The following FBLN1 variants were observed in gnomAD, a reference collection of about 807,000 sequenced individuals.
The protein encoded by FBLN1 is fibulin 1, also known as fibulin-1.
A neutral mutation model predicts 89.7 loss-of-function variants in FBLN1; 34 were observed. That is an observed-to-expected ratio of 0.38 (90% CI 0.29 to 0.50). The LOEUF is 0.50. Among genes scored for constraint, FBLN1 ranks in the 20% least tolerant of loss-of-function variants. The pLI, the probability that FBLN1 is intolerant of heterozygous loss-of-function variation, is 0.92. For missense variants in FBLN1, 777 were observed against 988.1 expected (o/e 0.79, Z 2.86); for synonymous variants, 393 against 391.3 (o/e 1.00, Z -0.05).
intron 2 of FBLN1, 87 bp downstream of exon 2, chr22:45,518,874 C>T: frequency 4.9e-6 from 6 of 1,218,978 alleles, no homozygotes; most frequent in Non-Finnish European, 5.9e-6. Context: ...TGCCAGACCT[C>T]TCGGGAGAGG....
chr22:45,562,899 A>G lies in FBLN1; in HGVS notation c.1698-11612A>G. Reference sequence around the variant, plus strand: ...TAACCCTCTTCTTGTCTCTCTGCCCACTTTTCTTGCAGCCGCTGTGAGCGC... The same window carrying G: ...TAACCCTCTTCTTGTCTCTCTGCCCGCTTTTCTTGCAGCCGCTGTGAGCGC... On this transcript the variant is annotated intron_variant, in intron 14 of 16. Transcript: ENST00000327858. This position sits in a 1 kb window ranked among gnomAD's most constrained non-coding sequence, Gnocchi z 7.8. 1.2e-6 allele frequency: 2 copies of G among 1,612,702 alleles called. No individual in the cohort carries two copies. Among genetic ancestry groups the G allele is most frequent in the Non-Finnish European group, 1.7e-6 (2 of 1,179,798 alleles).
At chr22:45,586,782 C>G (rs1003581957) in intron 16 of FBLN1, among the ~76,000 whole-genome samples, 1 of 151,970 alleles carries the variant, frequency 6.6e-6, no homozygotes, top group Non-Finnish European at 1.5e-5. Context: ...AATGGGGCCA[C>G]GTAGGAAAGG....
intron 16 of FBLN1, among the ~76,000 whole-genome samples, chr22:45,593,597 C>T (rs1007905040): frequency 2.2e-4 from 33 of 152,112 alleles, no homozygotes; most frequent in African/African-American, 8.0e-4. Flanking sequence ...AGGTAGGAGG[C>T]AAACACCCTG....
chr22:45,573,695 A>C (rs1305485922), intron 14 of FBLN1, among the ~76,000 whole-genome samples: 1 of 149,516 alleles, frequency 6.7e-6, no homozygotes, highest in Non-Finnish European at 1.5e-5. Context: ...AAAAAAAAAA[A>C]AAAAAACCCA....
chr22:45,513,887 A>G (rs1569233848), intron 1 of FBLN1, among the ~76,000 whole-genome samples: 2 of 151,968 alleles, frequency 1.3e-5, no homozygotes, highest in East Asian at 1.9e-4. Context: ...TCTGCCTCCC[A>G]GGTTCAAGCG....
intron 2 of FBLN1, among the ~76,000 whole-genome samples, chr22:45,525,008 C>T (rs570312917): frequency 2.6e-5 from 4 of 152,006 alleles, no homozygotes; most frequent in African/African-American, 9.6e-5. Context: ...CGCTTGAACC[C>T]GAGACGCAGA....
At chr22:45,564,877 T>C (rs769986464) in intron 14 of FBLN1, 4 of 1,613,770 alleles carry the variant, frequency 2.5e-6, no homozygotes, top group Middle Eastern at 1.7e-4. Flanking sequence ...GCTGACACTG[T>C]TTCCAGGCAG....
chr22:45,525,506 GCA>G (rs1213984647), intron 2 of FBLN1, 35 bp from the exon 3 acceptor site: 2 of 1,547,792 alleles, frequency 1.3e-6, no homozygotes, highest in African/African-American at 2.7e-5. Context: ...GGCCCCCTGC[GCA>G]CAGAGCCTTG....
intron 8 of FBLN1, 40 bp downstream of exon 8, chr22:45,535,377 A>G (rs1279469288): frequency 6.2e-7 from 1 of 1,612,728 alleles, no homozygotes; most frequent in Admixed American, 1.7e-5. Context: ...TTATTCCAGG[A>G]GGGGCCAGCG....
In FBLN1 at chr22:45,563,218, C is replaced by T. The variant is rs943705468; in HGVS notation, c.1698-11293C>T. On this transcript the variant is annotated intron_variant, in intron 14 of 16. Coordinates refer to ENST00000327858, the MANE Select transcript of FBLN1 (RefSeq NM_006486.3). The surrounding 1 kb of genome is among the most constrained non-coding windows in gnomAD (Gnocchi z 5.7). ...TGGATCTCTCTCGCCACGGCACCGT[C>T]AGCTCCTTTGTGGCCAAGCTTTTCA... 8 of 1,613,718 alleles carry T rather than the reference C, an allele frequency of 5.0e-6. No individual in the cohort carries two copies. Among genetic ancestry groups the T allele is most frequent in the Middle Eastern group, 1.6e-4 (1 of 6,084 alleles).
At chr22:45,505,177 T>TTA (rs1308063607) in intron 1 of FBLN1, among the ~76,000 whole-genome samples, 1 of 152,232 alleles carries the variant, frequency 6.6e-6, no homozygotes, top group African/African-American at 2.4e-5. Context: ...TGGGCTTTAC[T>TTA]GAGAGCTGGG....
At chr22:45,547,254 A>G (rs376076899) in intron 12 of FBLN1, 50 bp downstream of exon 12, 124 of 1,608,472 alleles carry the variant, frequency 7.7e-5, no homozygotes, top group Non-Finnish European at 1.0e-4. Context: ...TGGTCTTGCC[A>G]TGACACAGCA....
rs2089152749 is a variant in FBLN1, at chr22:45,593,054, ACAGCTGGTCGATGCAGAGC to A, written c.1973-7250_1973-7232del. 2.0e-5 allele frequency among the ~76,000 whole-genome samples: 3 copies of A among 152,156 alleles called. No homozygotes were observed. The South Asian group carries it at 6.2e-4, about 31-fold the overall frequency. The stretch of plus-strand genomic sequence containing the variant: ...GGGAAGATGACGTGCCCAAGGTCAC[ACAGCTGGTCGATGCAGAGC>A]CACCTAGGAACTCGAGGCTGTAACT... On this transcript the variant is annotated intron_variant, in intron 16 of 16. Transcript: ENST00000327858.
rs748533265 is a variant in FBLN1 at position 45,576,917 on chromosome 22, G to A, written c.1841-60G>A. On this transcript the variant is annotated intron_variant, in intron 15 of 16. Transcript: ENST00000327858. This position sits in a 1 kb window ranked among gnomAD's most constrained non-coding sequence, Gnocchi z 5.2. ...CCAAGGGTGAGTTCCTGGGGACGAG[G>A]CTGGGACTGGGGCTGGGGCCAGGCT... The A allele has an allele frequency of 1.2e-6, 2 of 1,606,594 alleles. No individual in the cohort carries two copies. The highest frequency in any genetic ancestry group is 1.7e-6 in the Non-Finnish European group (2 of 1,177,724).
At chr22:45,539,016 T>C (rs1451255361) in intron 8 of FBLN1, among the ~76,000 whole-genome samples, 8 of 151,860 alleles carry the variant, frequency 5.3e-5, no homozygotes, top group Admixed American at 5.2e-4. Context: ...CGGGTTTTCT[T>C]TGCTCTTTTC....
chr22:45,515,655 C>A lies in FBLN1; in HGVS notation c.80-3027C>A, dbSNP rs1415718090. 2.6e-5 allele frequency among the ~76,000 whole-genome samples: 4 copies of A among 152,278 alleles called. No homozygotes were observed. The East Asian group carries it at 5.8e-4, about 22-fold the overall frequency. On this transcript the variant is annotated intron_variant, in intron 1 of 16. Coordinates refer to ENST00000327858, the MANE Select transcript of FBLN1 (RefSeq NM_006486.3). ...ACACCAGCACCCGGCTGTGTCTCCC[C>A]CATTTCTTATGAGCAGCGATAAGTC...
intron 1 of FBLN1, 64 bp downstream of exon 1, chr22:45,503,128 T>A (rs901280061): frequency 8.9e-7 from 1 of 1,126,976 alleles, no homozygotes; most frequent in East Asian, 4.1e-5. Flanking sequence ...TCGCGCTCCC[T>A]GCGAGTTTCG....
At position 45,525,780 on chromosome 22, in the gene FBLN1, A is replaced by G. The variant is rs947253172; in HGVS notation, c.321+102A>G. 8.2e-6 allele frequency: 12 copies of G among 1,460,606 alleles called. No homozygotes were observed. In the African/African-American group the frequency reaches 1.4e-4, roughly 17 times the overall value. The allele number at this position is 1,460,606 out of a possible 1,614,324, so 90.5% of individuals were successfully genotyped here. A position where few individuals can be genotyped will look rare whatever the true frequency, so the allele number is the denominator to read the frequency against. ...ACTGTCTGTCAGCGCTCCCTGCCTCAGGCCACCTTTCTTTGTGAGCAGCTG... is the reference window on the plus strand; with the variant it reads ...ACTGTCTGTCAGCGCTCCCTGCCTCGGGCCACCTTTCTTTGTGAGCAGCTG... On this transcript the variant is annotated intron_variant, in intron 3 of 16. Coordinates refer to ENST00000327858, the MANE Select transcript of FBLN1 (RefSeq NM_006486.3).
In FBLN1 at chr22:45,579,894, C is replaced by T. The variant is rs933995520; in HGVS notation, c.1972+2786C>T. On this transcript the variant is annotated intron_variant, in intron 16 of 16. Coordinates refer to ENST00000327858, the MANE Select transcript of FBLN1 (RefSeq NM_006486.3). This position sits in a 1 kb window ranked among gnomAD's most constrained non-coding sequence, Gnocchi z 5.5. Reference sequence around the variant, plus strand: ...CCCTAGGGGCAGCCATCCCGGCACACGGCTCCTGGCCTGTCCACCTGGTAA... The same window carrying T: ...CCCTAGGGGCAGCCATCCCGGCACATGGCTCCTGGCCTGTCCACCTGGTAA... Among the ~76,000 whole-genome samples, 3 of 152,096 alleles carry T rather than the reference C, an allele frequency of 2.0e-5. No homozygotes were observed. Among genetic ancestry groups the T allele is most frequent in the African/African-American group, 2.4e-5 (1 of 41,418 alleles).
Sources: gnomAD v4.1 joint callset for allele counts (sites outside exome capture counted in the v4.1 genomes callset) on GRCh38, gnomAD v4.1.1 for gene constraint, Gnocchi (gnomAD v3.1) non-coding constraint, MANE v1.5 for transcripts, NCBI Gene and HGNC (gene_info 2026-07-23, HGNC 2026-07-21) for gene names.